Variants in HESX1 observed in about 807,000 individuals in gnomAD.
The protein encoded by HESX1 is HESX homeobox 1, also known as homeobox expressed in ES cells 1.
A neutral mutation model predicts 22.5 loss-of-function variants in HESX1; 11 were observed. That is an observed-to-expected ratio of 0.49 (90% CI 0.31 to 0.81). The LOEUF is 0.81. HESX1 is among the 30% of genes least tolerant of loss of function. HESX1 has a pLI of 0.05. For missense variants in HESX1, 201 were observed against 212.6 expected (o/e 0.95, Z 0.34); for synonymous variants, 74 against 76.5 (o/e 0.97, Z 0.17).
At chr3:57,206,987 G>A (rs2060523225) in intron 1 of HESX1, among the ~76,000 whole-genome samples, 1 of 151,592 alleles carries the variant, frequency 6.6e-6, no homozygotes, top group Non-Finnish European at 1.5e-5. Flanking sequence ...TCAGTCTGTC[G>A]CCCAGGCTGG....
chr3:57,226,779 G>A (rs766536640), upstream of HESX1, among the ~76,000 whole-genome samples: 11 of 152,254 alleles, frequency 7.2e-5, no homozygotes, highest in East Asian at 1.9e-3. Flanking sequence ...TGGAATTAAT[G>A]GCTAGATGTT....
intron 1 of HESX1, among the ~76,000 whole-genome samples, chr3:57,225,760 A>T (rs1386118523): frequency 6.6e-6 from 1 of 152,230 alleles, no homozygotes; most frequent in Admixed American, 6.5e-5. Context: ...ACATACTAAG[A>T]AGGAAACCAT....
chr3:57,221,854 C>T (rs1182690025), intron 1 of HESX1, among the ~76,000 whole-genome samples: 2 of 152,204 alleles, frequency 1.3e-5, no homozygotes, highest in Non-Finnish European at 2.9e-5. Context: ...ATCCACCCGC[C>T]TTGGCCTCCC....
intron 1 of HESX1, among the ~76,000 whole-genome samples, chr3:57,212,589 T>C (rs1041219150): frequency 6.8e-6 from 1 of 146,048 alleles, no homozygotes; most frequent in African/African-American, 2.7e-5. Context: ...CATTCTATGC[T>C]GATCCAAGTA....
At chr3:57,208,410 G>A (rs2060532262) in intron 1 of HESX1, among the ~76,000 whole-genome samples, 1 of 152,074 alleles carries the variant, frequency 6.6e-6, no homozygotes, top group East Asian at 2.0e-4. Context: ...GTAGTGGTGC[G>A]ATCTCAACTC....
chr3:57,198,535 G>C (rs2060462970), intron 2 of HESX1, 43 bp from the exon 3 acceptor site: 1 of 1,252,282 alleles, frequency 8.0e-7, no homozygotes, highest in Non-Finnish European at 1.2e-6. Context: ...CTCCAAAAAT[G>C]AGCTTTAATT....
chr3:57,212,691 T>C (rs1396693239), intron 1 of HESX1, among the ~76,000 whole-genome samples: 1 of 152,032 alleles, frequency 6.6e-6, no homozygotes, highest in Non-Finnish European at 1.5e-5. Flanking sequence ...TTTTACCCCA[T>C]CTTACCTCCC....
intron 1 of HESX1, among the ~76,000 whole-genome samples, chr3:57,218,256 C>G (rs2060594598): frequency 6.6e-6 from 1 of 151,970 alleles, no homozygotes; most frequent in East Asian, 1.9e-4. Flanking sequence ...CTTCCTCTTT[C>G]TTACCTCCAC....
At chr3:57,200,118 A>C (rs2107566305), upstream of HESX1, 1 of 581,916 alleles carries the variant, frequency 1.7e-6, no homozygotes, top group South Asian at 1.9e-5. Flanking sequence ...TTAAGGAGTT[A>C]ATTGTTTATT....
intron 1 of HESX1, among the ~76,000 whole-genome samples, chr3:57,205,146 T>A (rs1385398262): frequency 1.3e-5 from 2 of 152,136 alleles, no homozygotes; most frequent in South Asian, 2.1e-4. Flanking sequence ...TGGTGGCTCA[T>A]GCCTATAATC....
chr3:57,220,620 A>G (rs1483875938), intron 1 of HESX1, among the ~76,000 whole-genome samples: 2 of 151,934 alleles, frequency 1.3e-5, no homozygotes, highest in Non-Finnish European at 2.9e-5. Context: ...TAGTGGAGAC[A>G]GGGTTTCATC....
chr3:57,220,613 T>C (rs547990307), intron 1 of HESX1, among the ~76,000 whole-genome samples: 1 of 152,170 alleles, frequency 6.6e-6, no homozygotes, highest in East Asian at 1.9e-4. Context: ...GTATTTTTAG[T>C]GGAGACAGGG....
chr3:57,212,955 C>T lies in HESX1; in HGVS notation c.-110-12927G>A, dbSNP rs563486407. ...TATCCCTCCTCCAGCCCCTCACCTCCGACAGGCCTCGGTGTGTGATGTTCC... is the reference window on the plus strand; with the variant it reads ...TATCCCTCCTCCAGCCCCTCACCTCTGACAGGCCTCGGTGTGTGATGTTCC... On this transcript the variant is annotated intron_variant, in intron 1 of 2. Coordinates refer to the HESX1 transcript ENST00000495160. Among the ~76,000 whole-genome samples, 128 of 152,134 alleles carry T rather than the reference C, an allele frequency of 8.4e-4. 1 individual carries two copies. Among genetic ancestry groups the T allele is most frequent in the Non-Finnish European group, 1.9e-4 (13 of 68,002 alleles).
Position 57,199,940 on chromosome 3 carries a change from C to G in HESX1, c.-22G>C, listed in dbSNP as rs751871539. On this transcript the variant is annotated 5_prime_UTR_variant, in exon 1 of 4. Coordinates refer to ENST00000295934, the MANE Select transcript of HESX1 (RefSeq NM_003865.3). ...ACATCCTCTCGTGGTCTGCACAGAG[C>G]AACAGCTCTGGCCTCTGCTGGCTCT... 6.8e-6 allele frequency: 11 copies of G among 1,612,612 alleles called. No individual in the cohort carries two copies. In the Admixed American group the frequency reaches 1.8e-4, roughly 27 times the overall value.
Position 57,198,935 on chromosome 3 carries a change from A to G in HESX1, c.175T>C (p.Cys59Arg), listed in dbSNP as rs1042727726. The change falls in exon 2 of 4, where the codon TGT becomes CGT. Residue 59 changes from cysteine to arginine, a missense_variant. Coordinates refer to ENST00000295934, the MANE Select transcript of HESX1 (RefSeq NM_003865.3). ...CSSSGKDGNL[C>R]LHVPNPPSGI... The stretch of plus-strand genomic sequence containing the variant: ...CTGGGAGGATTTGGGACATGTAGAC[A>G]TAAGTTACCATCTTTCCCTAAAAAC... 6 of 1,614,024 alleles carry G rather than the reference A, an allele frequency of 3.7e-6. No individual in the cohort carries two copies. The African/African-American group carries it at 4.0e-5, about 11-fold the overall frequency.
At chr3:57,208,569 C>T (rs13058840) in intron 1 of HESX1, among the ~76,000 whole-genome samples, 43 of 148,890 alleles carry the variant, frequency 2.9e-4, no homozygotes, top group African/African-American at 9.6e-4. Flanking sequence ...AGGCTGGTCT[C>T]GAACTCCTGA....
At position 57,212,796 on chromosome 3, in the gene HESX1, AT is replaced by A. The variant is rs554622956; in HGVS notation, c.-110-12769del. Among the ~76,000 whole-genome samples the A allele has an allele frequency of 2.3e-3, 342 of 151,134 alleles. 1 individual carries two copies. The highest frequency in any genetic ancestry group is 7.0e-3 in the African/African-American group (288 of 41,250). On this transcript the variant is annotated intron_variant, in intron 1 of 2. Transcript: ENST00000495160. ...AATAGGAGGATGCACATATGCACAT[AT>A]TTTTTTTTATTATACTGTAAGTTCT...
chr3:57,206,042 T>G (rs1366016142), intron 1 of HESX1, among the ~76,000 whole-genome samples: 1 of 151,916 alleles, frequency 6.6e-6, no homozygotes, highest in African/African-American at 2.4e-5. Context: ...AATAGGAAAA[T>G]TAGCTGGGTG....
At chr3:57,222,492 C>G (rs2060621059) in intron 1 of HESX1, among the ~76,000 whole-genome samples, 1 of 151,936 alleles carries the variant, frequency 6.6e-6, no homozygotes, top group Admixed American at 6.6e-5. Context: ...TTCCTGGGCT[C>G]AAGCGATCCT....
Sources: allele counts gnomAD v4.1 joint callset (sites outside exome capture counted in the v4.1 genomes callset), GRCh38; gene constraint gnomAD v4.1.1; transcripts MANE v1.5; gene names NCBI Gene and HGNC (gene_info 2026-07-23, HGNC 2026-07-21).